The following THADA variants were observed in gnomAD, a reference collection of about 807,000 sequenced individuals.
The protein encoded by THADA is tRNA (32-2'-O)-methyltransferase regulator THADA.
A neutral mutation model predicts 219.8 loss-of-function variants in THADA; 213 were observed. The ratio of observed to expected loss-of-function variants is 0.97; its 90% CI spans 0.87 to 1.09. The LOEUF (loss-of-function observed/expected upper bound fraction) is 1.09. Ranked by LOEUF, THADA falls within the 50% of genes least tolerant of loss-of-function variation. The pLI is 0.00. For missense variants in THADA, 2,956 were observed against 2,311.3 expected (o/e 1.28, Z -5.72); for synonymous variants, 1,018 against 828.9 (o/e 1.23, Z -3.92).
chr2:43,317,746 A>G (rs561848833), intron 31 of THADA, among the ~76,000 whole-genome samples: 2 of 152,252 alleles, frequency 1.3e-5, no homozygotes, highest in African/African-American at 2.4e-5. Flanking sequence ...TTATATGAAC[A>G]TGAACATTCA....
intron 25 of THADA, among the ~76,000 whole-genome samples, chr2:43,486,042 C>T (rs879317204): frequency 1.3e-5 from 2 of 151,690 alleles, no homozygotes; most frequent in Non-Finnish European, 2.9e-5. Context: ...TATGATTGTG[C>T]CACTGTGCTC....
chr2:43,513,571 C>T (rs1690776262), intron 22 of THADA, among the ~76,000 whole-genome samples: 1 of 152,166 alleles, frequency 6.6e-6, no homozygotes, highest in African/African-American at 2.4e-5. Flanking sequence ...GCCTCTGAAT[C>T]AGGCTGACTA....
intron 28 of THADA, among the ~76,000 whole-genome samples, chr2:43,422,385 T>C (rs1261314951): frequency 1.3e-5 from 2 of 152,062 alleles, no homozygotes; most frequent in African/African-American, 4.8e-5. Context: ...CTTGGTCACC[T>C]CCCCTCGACA....
At chr2:43,444,730 T>TGG (rs371042813) in intron 26 of THADA, among the ~76,000 whole-genome samples, 3 of 150,330 alleles carry the variant, frequency 2.0e-5, no homozygotes, top group African/African-American at 7.4e-5. Flanking sequence ...GAAAAAAAGG[T>TGG]GGGGGGGGAG....
rs1170640781 is a variant in THADA, at chr2:43,587,246, C to T, written c.303-244G>A. Reference sequence around the variant, plus strand: ...CTCAACAGAACAGGCAGAGTGACACCGTTAAAACACCATGTCACTTCTCTT... The same window carrying T: ...CTCAACAGAACAGGCAGAGTGACACTGTTAAAACACCATGTCACTTCTCTT... On this transcript the variant is annotated intron_variant, in intron 4 of 37. Coordinates refer to ENST00000405975, the MANE Select transcript of THADA (RefSeq NM_022065.5). Among the ~76,000 whole-genome samples the T allele has an allele frequency of 3.3e-5, 5 of 152,136 alleles. 1 individual carries two copies. In the South Asian group the frequency reaches 8.3e-4, roughly 25 times the overall value.
chr2:43,308,017 A>G (rs922634461), intron 31 of THADA, among the ~76,000 whole-genome samples: 3 of 151,118 alleles, frequency 2.0e-5, no homozygotes, highest in African/African-American at 7.4e-5. Flanking sequence ...ACTTCTAGAG[A>G]TGAACAATAC....
At chr2:43,408,818 T>C (rs1675921156) in intron 28 of THADA, among the ~76,000 whole-genome samples, 2 of 152,214 alleles carry the variant, frequency 1.3e-5, no homozygotes, top group Admixed American at 6.5e-5. Flanking sequence ...TCTTGTTCCA[T>C]TGTTTAATCT....
At chr2:43,239,444 G>C (rs1321558033) in intron 36 of THADA, among the ~76,000 whole-genome samples, 1 of 152,238 alleles carries the variant, frequency 6.6e-6, no homozygotes, top group East Asian at 1.9e-4. Context: ...CTCAGCCTCT[G>C]ATTCCCCCCA....
chr2:43,290,120 C>G (rs561680817), intron 34 of THADA, among the ~76,000 whole-genome samples: 2 of 151,658 alleles, frequency 1.3e-5, no homozygotes, highest in Non-Finnish European at 2.9e-5. Flanking sequence ...TTACAGGCGC[C>G]CACCACCACA....
At chr2:43,389,852 G>A (rs986402971) in intron 29 of THADA, among the ~76,000 whole-genome samples, 3 of 151,690 alleles carry the variant, frequency 2.0e-5, no homozygotes, top group East Asian at 1.9e-4. Flanking sequence ...GTGTGATCTC[G>A]GCCACATGCT....
intron 36 of THADA, among the ~76,000 whole-genome samples, chr2:43,273,171 C>T (rs1227211142): frequency 5.3e-5 from 8 of 151,848 alleles, no homozygotes; most frequent in African/African-American, 1.9e-4. Context: ...ATCGCTTGAA[C>T]CCGGGAGGCG....
At chr2:43,268,637 T>C (rs1671793737) in intron 36 of THADA, among the ~76,000 whole-genome samples, 1 of 152,226 alleles carries the variant, frequency 6.6e-6, no homozygotes, top group Non-Finnish European at 1.5e-5. Context: ...TGTCACCCTT[T>C]ACGCCTCCTT....
chr2:43,570,693 G>A (rs529984138), intron 13 of THADA, among the ~76,000 whole-genome samples, 183 bp from the exon 14 acceptor site: 8 of 152,280 alleles, frequency 5.3e-5, no homozygotes, highest in Non-Finnish European at 1.2e-4. Flanking sequence ...AACTATTACT[G>A]CAAAGCAGAA....
rs147530820 is a variant in THADA, at chr2:43,372,876, G to A, written c.4227+25095C>T. On this transcript the variant is annotated intron_variant, in intron 29 of 37. Transcript: ENST00000405975. ...GCCACCACACCTTCGCTAATTTTTT[G>A]TATCTTTAGTAGAGACGAGGTTTCA... Among the ~76,000 whole-genome samples, 689 of 152,178 alleles carry A rather than the reference G, an allele frequency of 4.5e-3. 4 individuals are homozygous for A. The highest frequency in any genetic ancestry group is 0.016 in the African/African-American group (656 of 41,510).
chr2:43,559,631 G>C (rs1364379041), intron 16 of THADA, among the ~76,000 whole-genome samples: 1 of 152,178 alleles, frequency 6.6e-6, no homozygotes, highest in Non-Finnish European at 1.5e-5. Context: ...CCCACACAAT[G>C]TGTTCACTTC....
intron 36 of THADA, among the ~76,000 whole-genome samples, chr2:43,245,682 G>A (rs1395950388): frequency 6.6e-6 from 1 of 152,154 alleles, no homozygotes; most frequent in Non-Finnish European, 1.5e-5. Context: ...GCTGTCATGA[G>A]CAAAAGGCAC....
rs149097013 is a variant in THADA at position 43,306,628 on chromosome 2, G to A, written c.4439-13415C>T. ...TTGAGGGTCTGTAGAGTCTGAGACTGAAGAGGTTCCTGGCACCAAATCATC... is the reference window on the plus strand; with the variant it reads ...TTGAGGGTCTGTAGAGTCTGAGACTAAAGAGGTTCCTGGCACCAAATCATC... On this transcript the variant is annotated intron_variant, in intron 31 of 37. Coordinates refer to ENST00000405975, the MANE Select transcript of THADA (RefSeq NM_022065.5). 4.0e-3 allele frequency among the ~76,000 whole-genome samples: 609 copies of A among 152,310 alleles called. 7 individuals are homozygous for A. The highest frequency in any genetic ancestry group is 0.014 in the African/African-American group (567 of 41,574).
Position 43,570,441 on chromosome 2 carries a change from G to A in THADA, c.2134C>T (p.Pro712Ser). ...TGCTGTTTGGTTAACTCATTCTCTGGTTCACGTTTGGATTTACTCTGCTCC... is the reference window on the plus strand; with the variant it reads ...TGCTGTTTGGTTAACTCATTCTCTGATTCACGTTTGGATTTACTCTGCTCC... ...KLEQSKSKRE[P>S]ENELTKQHPS... is the part of the protein sequence containing the mutation. The change falls in exon 14 of 38, where the codon CCA becomes TCA. Residue 712 changes from proline to serine, a missense_variant. Pro to Ser is a moderately conservative substitution (Grantham distance 74). Transcript: ENST00000405975. The A allele has an allele frequency of 6.2e-7, 1 of 1,613,430 alleles. No individual in the cohort carries two copies. The highest frequency in any genetic ancestry group is 8.5e-7 in the Non-Finnish European group (1 of 1,179,626).
rs772944453 is a variant in THADA at position 43,498,809 on chromosome 2, AAAAT to A, written c.3744+20_3744+23del. ...ACTCAGAAGCATAATTAAATCAATGAAAATAAATAGTGACAGCACTTACTGCCCA... is the reference window on the plus strand; with the variant it reads ...ACTCAGAAGCATAATTAAATCAATGAAAATAGTGACAGCACTTACTGCCCA... On this transcript the variant is annotated intron_variant, in intron 25 of 37. Coordinates refer to ENST00000405975, the MANE Select transcript of THADA (RefSeq NM_022065.5). The A allele has an allele frequency of 4.4e-6, 7 of 1,605,032 alleles. No homozygotes were observed. In the East Asian group the frequency reaches 1.3e-4, roughly 31 times the overall value.
Sources: allele counts gnomAD v4.1 joint callset (sites outside exome capture counted in the v4.1 genomes callset), GRCh38; gene constraint gnomAD v4.1.1; transcripts MANE v1.5; gene names NCBI Gene and HGNC (gene_info 2026-07-23, HGNC 2026-07-21).